Variants in TGFB2 observed in about 807,000 individuals in gnomAD.
TGFB2 encodes transforming growth factor beta 2.
A neutral mutation model predicts 42.7 loss-of-function variants in TGFB2; 13 were observed. That is an observed-to-expected ratio of 0.30 (90% CI 0.20 to 0.48). The LOEUF (loss-of-function observed/expected upper bound fraction) is 0.48. Among genes scored for constraint, TGFB2 ranks in the 20% least tolerant of loss-of-function variants. The pLI is 0.99. For missense variants in TGFB2, 390 were observed against 517.5 expected (o/e 0.75, Z 2.39); for synonymous variants, 193 against 193.6 (o/e 1.00, Z 0.03).
chr1:218,429,783 T>C (rs1273921135), intron 2 of TGFB2, among the ~76,000 whole-genome samples: 1 of 152,210 alleles, frequency 6.6e-6, no homozygotes, highest in African/African-American at 2.4e-5. Context: ...TGGTCCTGCA[T>C]TTCATCAGTT....
chr1:218,404,995 T>C (rs1170405541), intron 1 of TGFB2, among the ~76,000 whole-genome samples, 174 bp from the exon 2 acceptor site: 1 of 152,184 alleles, frequency 6.6e-6, no homozygotes, highest in Non-Finnish European at 1.5e-5. Flanking sequence ...TAAATGCACA[T>C]GTTTATTTTA....
At chr1:218,353,166 C>T (rs1358680601) in intron 1 of TGFB2, among the ~76,000 whole-genome samples, 6 of 152,132 alleles carry the variant, frequency 3.9e-5, no homozygotes, top group Non-Finnish European at 7.4e-5. Flanking sequence ...TGATTATGAG[C>T]GATACCCCAG....
chr1:218,355,146 C>T (rs1055106049), intron 1 of TGFB2, among the ~76,000 whole-genome samples: 7 of 152,156 alleles, frequency 4.6e-5, no homozygotes, highest in Non-Finnish European at 8.8e-5. Context: ...GTGATCCATC[C>T]GCCTCGGTCT....
intron 1 of TGFB2, among the ~76,000 whole-genome samples, chr1:218,386,294 C>A (rs576332321): frequency 6.6e-6 from 1 of 152,270 alleles, no homozygotes; most frequent in African/African-American, 2.4e-5. Flanking sequence ...TTCATTCACA[C>A]AATGAGAATG....
chr1:218,437,780 A>G (rs779357709), intron 6 of TGFB2, among the ~76,000 whole-genome samples: 2 of 152,184 alleles, frequency 1.3e-5, no homozygotes, highest in Non-Finnish European at 1.5e-5. Context: ...TCACCTGCCC[A>G]GTTATTAACA....
At chr1:218,363,171 C>A (rs1002509032) in intron 1 of TGFB2, among the ~76,000 whole-genome samples, 2 of 152,186 alleles carry the variant, frequency 1.3e-5, no homozygotes, top group Non-Finnish European at 2.9e-5. Flanking sequence ...CTCCTTAGAT[C>A]CTCAGTGTCT....
chr1:218,346,970 A>G lies in TGFB2; in HGVS notation c.269A>G (p.Glu90Gly). Reference protein sequence around the residue: ...EKASRRAAACERERSDEEYYA... With the variant: ...EKASRRAAACGRERSDEEYYA... The stretch of plus-strand genomic sequence containing the variant: ...GCGAGCCGGAGGGCGGCCGCCTGCG[A>G]GCGCGAGAGGAGCGACGAAGAGTAC... Residue 90 changes from glutamate (E) to glycine (G), a missense_variant, in exon 1 of 7, where the codon GAG becomes GGG. Coordinates refer to ENST00000366930, the MANE Select transcript of TGFB2 (RefSeq NM_003238.6). The surrounding 1 kb of genome is among the most constrained non-coding windows in gnomAD (Gnocchi z 4.9). The G allele has an allele frequency of 6.2e-7, 1 of 1,613,906 alleles. No individual in the cohort carries two copies.
At chr1:218,429,157 T>C (rs1412072459) in intron 2 of TGFB2, among the ~76,000 whole-genome samples, 1 of 152,034 alleles carries the variant, frequency 6.6e-6, no homozygotes, top group East Asian at 1.9e-4. Context: ...ATTTTTGTAT[T>C]TTTAATAGAG....
At chr1:218,361,321 A>T (rs577254903) in intron 1 of TGFB2, among the ~76,000 whole-genome samples, 2 of 152,228 alleles carry the variant, frequency 1.3e-5, no homozygotes, top group Non-Finnish European at 2.9e-5. Flanking sequence ...GAAAGGAAAG[A>T]AAAGAAGGGA....
intron 2 of TGFB2, among the ~76,000 whole-genome samples, chr1:218,420,804 G>A (rs755741696): frequency 2.0e-5 from 3 of 152,288 alleles, no homozygotes; most frequent in East Asian, 1.9e-4. Flanking sequence ...AAGAGTTCAC[G>A]TAGTGATGTA....
At chr1:218,398,555 A>G (rs1658601921) in intron 1 of TGFB2, among the ~76,000 whole-genome samples, 2 of 151,248 alleles carry the variant, frequency 1.3e-5, no homozygotes, top group South Asian at 2.1e-4. Flanking sequence ...CTTTATTTTG[A>G]AATTATTTTA....
chr1:218,389,418 TC>T (rs1184105276), intron 1 of TGFB2, among the ~76,000 whole-genome samples: 2 of 152,148 alleles, frequency 1.3e-5, no homozygotes, highest in Admixed American at 6.5e-5. Flanking sequence ...AGGCTGTTCT[TC>T]CTGTACCGGT....
chr1:218,440,985 T>TGTGTGGAAAACGAGTTCC (rs1051329694), intron 6 of TGFB2, among the ~76,000 whole-genome samples: 1 of 152,216 alleles, frequency 6.6e-6, no homozygotes, highest in African/African-American at 2.4e-5. Context: ...TTGCTTAAGA[T>TGTGTGGAAAACGAGTTCC]GTGTGGAAAA....
chr1:218,377,603 C>T (rs1657785567), intron 1 of TGFB2, among the ~76,000 whole-genome samples: 1 of 152,176 alleles, frequency 6.6e-6, no homozygotes, highest in Admixed American at 6.5e-5. Flanking sequence ...TTGGGAGATA[C>T]TTATGCTTCC....
intron 4 of TGFB2, among the ~76,000 whole-genome samples, chr1:218,435,365 C>A (rs900444984): frequency 1.3e-5 from 2 of 152,096 alleles, no homozygotes; most frequent in East Asian, 3.9e-4. Flanking sequence ...TTGGGGAGCT[C>A]AAGTTTCTAA....
At chr1:218,356,654 A>G (rs1657043537) in intron 1 of TGFB2, among the ~76,000 whole-genome samples, 1 of 152,234 alleles carries the variant, frequency 6.6e-6, no homozygotes, top group African/African-American at 2.4e-5. Context: ...AAAGACTGAC[A>G]TGCAGGCGGG....
Position 218,420,935 on chromosome 1 carries a change from G to A in TGFB2, c.511-13147G>A, listed in dbSNP as rs1277379812. 3.3e-5 allele frequency among the ~76,000 whole-genome samples: 5 copies of A among 152,254 alleles called. No individual in the cohort carries two copies. In the East Asian group the frequency reaches 7.7e-4, roughly 24 times the overall value. ...CTCTTGCCAGGTATACATTACTTAC[G>A]ACCTCTTAGACAGATGCAATTATAA... On this transcript the variant is annotated intron_variant, in intron 2 of 6. Coordinates refer to ENST00000366930, the MANE Select transcript of TGFB2 (RefSeq NM_003238.6).
intron 1 of TGFB2, among the ~76,000 whole-genome samples, chr1:218,390,374 TCTC>T (rs1297920746): frequency 6.6e-6 from 1 of 151,976 alleles, no homozygotes; most frequent in Non-Finnish European, 1.5e-5. Flanking sequence ...TCTTAAGAAT[TCTC>T]CTTCCATTCT....
intron 2 of TGFB2, among the ~76,000 whole-genome samples, chr1:218,412,685 G>C (rs1659140303): frequency 1.3e-5 from 2 of 152,174 alleles, no homozygotes; most frequent in Non-Finnish European, 2.9e-5. Flanking sequence ...TGACGGCCAG[G>C]TGGGGAGTGC....
Sources: allele counts gnomAD v4.1 joint callset (sites outside exome capture counted in the v4.1 genomes callset), GRCh38; gene constraint gnomAD v4.1.1; non-coding constraint Gnocchi (gnomAD v3.1); transcripts MANE v1.5; gene names NCBI Gene and HGNC (gene_info 2026-07-23, HGNC 2026-07-21).